Variants in SCLT1 observed in about 807,000 individuals in gnomAD.
The protein encoded by SCLT1 is sodium channel-associated protein 1.
A neutral mutation model predicts 112.8 loss-of-function variants in SCLT1; 78 were observed. That is an observed-to-expected ratio of 0.69 (90% CI 0.58 to 0.83). The LOEUF is 0.83. SCLT1 is among the 40% of genes least tolerant of loss of function. The pLI is 0.00. For synonymous variants in SCLT1, 257 were observed against 254.7 expected (o/e 1.01, Z -0.09); for missense variants, 747 against 770.4 (o/e 0.97, Z 0.36).
intron 18 of SCLT1, among the ~76,000 whole-genome samples, chr4:128,925,602 G>A (rs1736232488): frequency 6.6e-6 from 1 of 152,080 alleles, no homozygotes; most frequent in South Asian, 2.1e-4. Flanking sequence ...AGGATTACAG[G>A]CGTCAGCCAC....
chr4:129,036,398 T>A (rs1041186943), intron 5 of SCLT1, among the ~76,000 whole-genome samples: 1 of 152,070 alleles, frequency 6.6e-6, no homozygotes, highest in African/African-American at 2.4e-5. Context: ...AAATACCTTG[T>A]CTATTCTCAG....
At chr4:128,927,625 T>A (rs1736401786) in intron 18 of SCLT1, among the ~76,000 whole-genome samples, 2 of 151,276 alleles carry the variant, frequency 1.3e-5, no homozygotes, top group South Asian at 2.1e-4. Context: ...ACTATGTATA[T>A]CAAAACGTAT....
intron 18 of SCLT1, among the ~76,000 whole-genome samples, chr4:128,893,051 G>A (rs1476908676): frequency 1.3e-5 from 2 of 152,088 alleles, no homozygotes; most frequent in African/African-American, 4.8e-5. Flanking sequence ...TAAAAGTTAC[G>A]CATATTAGTG....
intron 2 of SCLT1, among the ~76,000 whole-genome samples, chr4:129,076,993 A>G (rs925465375): frequency 1.3e-5 from 2 of 152,106 alleles, no homozygotes; most frequent in Admixed American, 6.6e-5. Context: ...TATTTAATAT[A>G]TTAAATATAT....
At position 128,888,744 on chromosome 4, in the gene SCLT1, T is replaced by C. The variant is rs1310547618; in HGVS notation, c.1939A>G (p.Lys647Glu). The C allele has an allele frequency of 1.2e-6, 2 of 1,612,372 alleles. No individual in the cohort carries two copies. The highest frequency in any genetic ancestry group is 2.2e-5 in the East Asian group (1 of 44,868). ...AGACGCCTTTGAAGTCTGTTGGCTT[T>C]TTCTTGATGCTCTAGAATTAGCTTT... The part of the protein sequence containing the change: ...NEKLILEHQE[K>E]ANRLQRRLSQ... Residue 647 changes from lysine to glutamate, a missense_variant, in exon 20 of 21, where the codon AAA (lysine) becomes GAA (glutamate). Physicochemically the swap from Lys to Glu is moderately conservative, Grantham distance 56. Transcript: ENST00000281142.
chr4:128,942,448 TAA>T (rs1380913325), intron 17 of SCLT1, among the ~76,000 whole-genome samples: 7 of 152,002 alleles, frequency 4.6e-5, no homozygotes, highest in African/African-American at 1.7e-4. Flanking sequence ...GAAAGTCCCT[TAA>T]AAAGAGGATC....
intron 5 of SCLT1, among the ~76,000 whole-genome samples, chr4:129,016,414 G>A (rs191753996): frequency 6.6e-6 from 1 of 152,282 alleles, no homozygotes; most frequent in Admixed American, 6.5e-5. Flanking sequence ...GTGAGAACAC[G>A]TGGTGTTTAG....
rs118032330 is a variant in SCLT1, at chr4:128,924,275, T to A, written c.1829+12380A>T. Among the ~76,000 whole-genome samples, 55 of 151,900 alleles carry A rather than the reference T, an allele frequency of 3.6e-4. 2 individuals carry two copies. The East Asian group carries it at 0.011, about 29-fold the overall frequency. ...TTTAAAAATTTTATTTATTTTTATT[T>A]TTTATTATTTATTTATATTTGAGAC... On this transcript the variant is annotated intron_variant, in intron 18 of 20. Coordinates refer to ENST00000281142, the MANE Select transcript of SCLT1 (RefSeq NM_144643.4).
intron 2 of SCLT1, among the ~76,000 whole-genome samples, chr4:129,053,798 G>C (rs903207420): frequency 1.3e-5 from 2 of 151,918 alleles, no homozygotes; most frequent in African/African-American, 4.8e-5. Flanking sequence ...CTGTCATCAT[G>C]ATGCTAGCTG....
Position 129,001,932 on chromosome 4 carries a change from G to C in SCLT1, c.426+1809C>G, listed in dbSNP as rs73847358. Among the ~76,000 whole-genome samples the C allele has an allele frequency of 3.7e-3, 565 of 151,572 alleles. 1 individual carries two copies. The highest frequency in any genetic ancestry group is 0.011 in the African/African-American group (469 of 41,352). ...TGAAATCAATTATAAATCTTTCCTA[G>C]TCTAGAACAAACAGCATGCTTTCCT... On this transcript the variant is annotated intron_variant, in intron 6 of 20. Transcript: ENST00000281142.
chr4:129,082,253 T>G (rs1752004743), intron 2 of SCLT1, 53 bp downstream of exon 2: 1 of 812,080 alleles, frequency 1.2e-6, no homozygotes, highest in South Asian at 2.1e-5. Context: ...TTCAAAGTGC[T>G]GTAGGCAACT....
At chr4:128,962,210 T>C (rs993717450) in intron 11 of SCLT1, among the ~76,000 whole-genome samples, 15 of 152,354 alleles carry the variant, frequency 9.8e-5, no homozygotes, top group African/African-American at 3.4e-4. Flanking sequence ...TTTTATGCTA[T>C]TAGCATTCTA....
At chr4:128,908,113 C>T (rs534438023) in intron 18 of SCLT1, among the ~76,000 whole-genome samples, 47 of 152,216 alleles carry the variant, frequency 3.1e-4, no homozygotes, top group African/African-American at 1.1e-3. Flanking sequence ...TTAGTGATGA[C>T]TGATGATTAA....
At chr4:128,946,306 G>T (rs1222136765) in intron 15 of SCLT1, among the ~76,000 whole-genome samples, 154 bp from the exon 16 acceptor site, 1 of 152,012 alleles carries the variant, frequency 6.6e-6, no homozygotes, top group Non-Finnish European at 1.5e-5. Context: ...AATTAAATCT[G>T]GTTCTGTCAC....
intron 2 of SCLT1, among the ~76,000 whole-genome samples, chr4:129,047,060 C>T (rs1311153270): frequency 3.3e-5 from 5 of 151,948 alleles, no homozygotes; most frequent in African/African-American, 1.2e-4. Flanking sequence ...ATATATTCTC[C>T]ATTCCATAGC....
At chr4:128,894,249 A>G (rs1246435795) in intron 18 of SCLT1, among the ~76,000 whole-genome samples, 3 of 151,958 alleles carry the variant, frequency 2.0e-5, no homozygotes, top group Non-Finnish European at 4.4e-5. Context: ...GCTGCTTGTC[A>G]GTTGTACAGT....
chr4:129,027,464 C>A (rs1746221772), intron 5 of SCLT1, among the ~76,000 whole-genome samples: 2 of 152,090 alleles, frequency 1.3e-5, no homozygotes, highest in Admixed American at 1.3e-4. Flanking sequence ...AGGCCTTTGA[C>A]AAAATTCAAC....
rs781302240 is a variant in SCLT1, at chr4:129,080,877, GGA to G, written c.102+1427_102+1428del. Among the ~76,000 whole-genome samples the G allele has an allele frequency of 3.3e-5, 5 of 152,258 alleles. No individual in the cohort carries two copies. In the East Asian group the frequency reaches 7.7e-4, roughly 24 times the overall value. Reference sequence around the variant, plus strand: ...TTGGCTCATAGTTCTGCAGTCTGTGGGAGAGAGAGTTTCTGGGGTGCCAGATG... The same window carrying G: ...TTGGCTCATAGTTCTGCAGTCTGTGGGAGAGAGTTTCTGGGGTGCCAGATG... On this transcript the variant is annotated intron_variant, in intron 2 of 20. Transcript: ENST00000281142.
chr4:128,890,181 A>C (rs145425831), intron 19 of SCLT1, among the ~76,000 whole-genome samples: 1 of 152,190 alleles, frequency 6.6e-6, no homozygotes, highest in Non-Finnish European at 1.5e-5. Flanking sequence ...AACTTCTTCT[A>C]TACTGCTACC....
Sources: gnomAD v4.1 joint callset for allele counts (sites outside exome capture counted in the v4.1 genomes callset) on GRCh38, gnomAD v4.1.1 for gene constraint, MANE v1.5 for transcripts, NCBI Gene and HGNC (gene_info 2026-07-23, HGNC 2026-07-21) for gene names.